Variants in SYNE3 observed in about 807,000 individuals in gnomAD.
SYNE3 encodes the protein nesprin-3.
Under a neutral mutation model 111.2 loss-of-function variants are expected in SYNE3, and 100 were observed. The observed-to-expected ratio is 0.90, with a 90% CI of 0.77 to 1.06. The LOEUF (loss-of-function observed/expected upper bound fraction) is 1.06. SYNE3 is among the 50% of genes least tolerant of loss of function. The pLI is 0.00. For synonymous variants in SYNE3, 547 were observed against 533.9 expected, an observed-to-expected ratio of 1.02 and a Z score of -0.34; for missense variants, 1,160 against 1,240.3, an observed-to-expected ratio of 0.94 and a Z score of 0.97.
Position 95,466,244 on chromosome 14 carries a change from TG to T in SYNE3, c.318-5del. Reference sequence around the variant, plus strand: ...CAGCCACACCCACTCGATGCGGCTGTGGGCACAGAGACCTCAAGGTTGTGAG... The same window carrying T: ...CAGCCACACCCACTCGATGCGGCTGTGGCACAGAGACCTCAAGGTTGTGAG... On this transcript the variant is annotated splice_polypyrimidine_tract_variant and splice_region_variant and intron_variant, in intron 3 of 17. Coordinates refer to ENST00000682763, the MANE Select transcript of SYNE3 (RefSeq NM_152592.6). 6.4e-7 allele frequency: 1 copy of T among 1,557,670 alleles called. No homozygotes were observed.
At chr14:95,516,495 G>T (rs1890940474) in intron 1 of SYNE3, among the ~76,000 whole-genome samples, 101 bp downstream of exon 1, 1 of 151,844 alleles carries the variant, frequency 6.6e-6, no homozygotes, top group Non-Finnish European at 1.5e-5. Flanking sequence ...GATTCCCGGG[G>T]CTGTGTCAGA....
At chr14:95,432,902 C>T (rs911577732) in intron 16 of SYNE3, among the ~76,000 whole-genome samples, 9 of 152,216 alleles carry the variant, frequency 5.9e-5, no homozygotes, top group South Asian at 2.1e-4. Context: ...CTCAGCTCCC[C>T]TCTGCAGTCT....
At chr14:95,460,084 A>C (rs1300358845) in intron 4 of SYNE3, among the ~76,000 whole-genome samples, 5 of 152,232 alleles carry the variant, frequency 3.3e-5, no homozygotes, top group Non-Finnish European at 1.5e-5. Context: ...CTCACCTGAC[A>C]GAACAAGACC....
intron 17 of SYNE3, among the ~76,000 whole-genome samples, chr14:95,427,221 G>A (rs1296478364): frequency 6.6e-6 from 1 of 152,142 alleles, no homozygotes; most frequent in Non-Finnish European, 1.5e-5. Flanking sequence ...GCCAGTGTCT[G>A]GGAAGACGCC....
At position 95,414,359 on chromosome 14, in the gene SYNE3, C is replaced by T. The variant is rs1903509739; in HGVS notation, c.*3467G>A. ...GTGGGAATTACATAAAGCAAGGCTG[C>T]AAAGTGCCGCCCAAGGGGCTCAAGC... On this transcript the variant is annotated 3_prime_UTR_variant, in exon 18 of 18. Transcript: ENST00000682763. 1 of 152,204 alleles carries T rather than the reference C, an allele frequency of 6.6e-6. No homozygotes were observed. Among genetic ancestry groups the T allele is most frequent in the African/African-American group, 2.4e-5 (1 of 41,446 alleles). 9.4% of individuals were successfully genotyped at this position (152,204 alleles called of 1,614,324 possible). A position where few individuals can be genotyped will look rare whatever the true frequency, so the allele number is the denominator to read the frequency against.
At chr14:95,428,032 C>G (rs966181728) in intron 17 of SYNE3, among the ~76,000 whole-genome samples, 1 of 152,192 alleles carries the variant, frequency 6.6e-6, no homozygotes, top group Admixed American at 6.5e-5. Flanking sequence ...AAAAGAACAG[C>G]AACCAAGATG....
chr14:95,440,009 G>A lies in SYNE3; in HGVS notation c.1978C>T (p.Leu660=). ...HCTFSHQLLE[L]RQWIVVTTQK... ...GTGGTCACAACGATCCACTGCCGCAGCTCCAGCAGCTGGTGGCTGAAGGTG... is the reference window on the plus strand; with the variant it reads ...GTGGTCACAACGATCCACTGCCGCAACTCCAGCAGCTGGTGGCTGAAGGTG... The change falls in exon 12 of 18, where the codon CTG becomes TTG. Residue 660 remains leucine (L), a synonymous_variant. Transcript: ENST00000682763. 1.2e-6 allele frequency: 2 copies of A among 1,612,668 alleles called. No homozygotes were observed. Among genetic ancestry groups the A allele is most frequent in the Non-Finnish European group, 8.5e-7 (1 of 1,180,034 alleles).
chr14:95,435,833 TA>T (rs1886054627), intron 15 of SYNE3, among the ~76,000 whole-genome samples: 1 of 152,154 alleles, frequency 6.6e-6, no homozygotes, highest in African/African-American at 2.4e-5. Flanking sequence ...AGGTTTTCAT[TA>T]GGGGGAGGAC....
chr14:95,482,919 T>A (rs1889344163), intron 1 of SYNE3, among the ~76,000 whole-genome samples: 1 of 152,176 alleles, frequency 6.6e-6, no homozygotes, highest in African/African-American at 2.4e-5. Context: ...GAGGCAAGAC[T>A]TGAACCAAGG....
chr14:95,486,609 C>T (rs997219578), intron 1 of SYNE3, among the ~76,000 whole-genome samples: 13 of 152,142 alleles, frequency 8.5e-5, no homozygotes, highest in Non-Finnish European at 1.6e-4. Context: ...TCACCACAGT[C>T]CTCCTCAGCC....
In SYNE3 at chr14:95,457,239, C is replaced by T; in HGVS notation, c.727G>A (p.Val243Met). The change falls in exon 5 of 18, where the codon GTG becomes ATG. Residue 243 changes from valine to methionine, a missense_variant. By Grantham distance (21) the Val-to-Met change is conservative. Coordinates refer to ENST00000682763, the MANE Select transcript of SYNE3 (RefSeq NM_152592.6). The part of the protein sequence containing the change: ...QLWLKAVVEK[V>M]NGCLGRNCKL... ...CAGTTCCGCCCCAGGCAGCCATTCACCTTCTCCACCACCGCCTTCAGCCAC... is the reference window on the plus strand; with the variant it reads ...CAGTTCCGCCCCAGGCAGCCATTCATCTTCTCCACCACCGCCTTCAGCCAC... 1.2e-6 allele frequency: 2 copies of T among 1,614,170 alleles called. No individual in the cohort carries two copies. The highest frequency in any genetic ancestry group is 1.7e-6 in the Non-Finnish European group (2 of 1,180,028).
At chr14:95,432,668 ATTAT>A (rs1885853316) in intron 16 of SYNE3, among the ~76,000 whole-genome samples, 1 of 144,734 alleles carries the variant, frequency 6.9e-6, no homozygotes, top group Non-Finnish European at 1.5e-5. Flanking sequence ...TATTATTATT[ATTAT>A]TATTATTTGG....
intron 17 of SYNE3, among the ~76,000 whole-genome samples, chr14:95,418,709 T>C (rs1178505155): frequency 2.6e-5 from 4 of 152,046 alleles, no homozygotes; most frequent in Non-Finnish European, 5.9e-5. Context: ...GTTCAATCAA[T>C]TATCTCCCTC....
Position 95,439,948 on chromosome 14 carries a change from G to C in SYNE3, c.2039C>G (p.Pro680Arg), listed in dbSNP as rs769547536. The part of the protein sequence containing the change: ...KLEAHRGEAG[P>R]GDAESQEAEF... ...GGCCTCTTGGGACTCGGCATCCCCC[G>C]GGCCCGCCTCTCCCCGGTGTGCCTC... The change falls in exon 12 of 18, where the codon CCG becomes CGG. Residue 680 changes from proline (P) to arginine (R), a missense_variant. Transcript: ENST00000682763. 1 of 1,613,812 alleles carries C rather than the reference G, an allele frequency of 6.2e-7. No homozygotes were observed.
At chr14:95,449,613 G>C (rs1886934565) in intron 8 of SYNE3, 1 of 985,470 alleles carries the variant, frequency 1.0e-6, no homozygotes, top group African/African-American at 1.7e-5. Context: ...CTTGCCACTT[G>C]GAGCTGCAGT....
chr14:95,475,292 A>G (rs765836498), intron 2 of SYNE3, among the ~76,000 whole-genome samples: 2 of 152,222 alleles, frequency 1.3e-5, no homozygotes, highest in Non-Finnish European at 2.9e-5. Context: ...CAGATCTGGC[A>G]GGGACCCCAA....
intron 8 of SYNE3, among the ~76,000 whole-genome samples, chr14:95,446,360 C>G (rs1886719353): frequency 6.6e-6 from 1 of 151,276 alleles, no homozygotes; most frequent in South Asian, 2.1e-4. Flanking sequence ...TCCTACAGGC[C>G]TCAAAAGTCT....
chr14:95,461,591 G>A (rs1048634897), intron 4 of SYNE3, among the ~76,000 whole-genome samples: 15 of 152,198 alleles, frequency 9.9e-5, no homozygotes, highest in Non-Finnish European at 2.2e-4. Flanking sequence ...TAACATGATG[G>A]ACGTCAAAAA....
Position 95,417,713 on chromosome 14 carries a change from G to T in SYNE3, c.*113C>A. 9.0e-7 allele frequency: 1 copy of T among 1,105,784 alleles called. No individual in the cohort carries two copies. The highest frequency in any genetic ancestry group is 1.4e-6 in the Non-Finnish European group (1 of 723,190). 68.5% of individuals were successfully genotyped at this position (1,105,784 alleles called of 1,614,324 possible). A position where few individuals can be genotyped will look rare whatever the true frequency, so the allele number is the denominator to read the frequency against. On this transcript the variant is annotated 3_prime_UTR_variant, in exon 18 of 18. Coordinates refer to ENST00000682763, the MANE Select transcript of SYNE3 (RefSeq NM_152592.6). ...CTGACACAGCACTGATATGGATGCA[G>T]CTCTGCAGTCTTTGCCCTGCCCCTG...
Sources: gnomAD v4.1 joint callset for allele counts (sites outside exome capture counted in the v4.1 genomes callset) on GRCh38, gnomAD v4.1.1 for gene constraint, MANE v1.5 for transcripts, NCBI Gene and HGNC (gene_info 2026-07-23, HGNC 2026-07-21) for gene names.